The following IGFL2 variants were observed in gnomAD, a reference collection of about 807,000 sequenced individuals.
IGFL2 encodes the protein IGF like family member 2.
Under a neutral mutation model 13.9 loss-of-function variants are expected in IGFL2, and 7 were observed. The ratio of observed to expected loss-of-function variants is 0.51; its 90% CI spans 0.29 to 0.95. IGFL2 has a LOEUF of 0.95. IGFL2 is among the 40% of genes least tolerant of loss of function. IGFL2 has a pLI of 0.08. For missense variants in IGFL2, 138 were observed against 147.8 expected (o/e 0.93, Z 0.34); for synonymous variants, 55 against 55.8 (o/e 0.99, Z 0.07).
the IGFL2 span, among the ~76,000 whole-genome samples, chr19:46,176,982 A>C: frequency 2.8e-4 from 43 of 152,198 alleles, no homozygotes; most frequent in African/African-American, 9.2e-4. Context: ...GCATTACCCT[A>C]CCCACTGCCC....
At chr19:46,194,830 T>TTTTATATATA in the IGFL2 span, among the ~76,000 whole-genome samples, 1 of 46,780 alleles carries the variant, frequency 2.1e-5, no homozygotes, top group South Asian at 9.2e-4. Context: ...CTTCCTCATT[T>TTTTATATATA]TATATATATA....
At chr19:46,129,307 T>TTGTGTGTGTG in the IGFL2 span, among the ~76,000 whole-genome samples, 52 of 136,948 alleles carry the variant, frequency 3.8e-4, no homozygotes, top group Admixed American at 1.8e-3. Flanking sequence ...TGTTGATCTT[T>TTGTGTGTGTG]TGTGTGTGTG....
chr19:46,194,886 T>C, the IGFL2 span, among the ~76,000 whole-genome samples: 1 of 131,950 alleles, frequency 7.6e-6, no homozygotes, highest in Non-Finnish European at 1.6e-5. Context: ...TTTTTGGTAG[T>C]GTTTTTTGTT....
At chr19:46,137,367 G>A in the IGFL2 span, 1 of 1,118,402 alleles carries the variant, frequency 8.9e-7, no homozygotes, top group South Asian at 1.2e-5. Flanking sequence ...TTACAGACCT[G>A]TAGTGTAGAC....
the IGFL2 span, chr19:46,120,484 A>G: frequency 2.2e-6 from 3 of 1,352,758 alleles, no homozygotes; most frequent in Non-Finnish European, 3.0e-6. Context: ...ATGTGTAGAT[A>G]TCAACAGAAG....
chr19:46,122,628 T>A, the IGFL2 span, among the ~76,000 whole-genome samples: 5 of 151,188 alleles, frequency 3.3e-5, no homozygotes, highest in African/African-American at 9.8e-5. Context: ...TTGCTGTTAT[T>A]CTGAATATAA....
chr19:46,090,965 ATC>A, the IGFL2 span, among the ~76,000 whole-genome samples: 1 of 152,166 alleles, frequency 6.6e-6, no homozygotes, highest in African/African-American at 2.4e-5. Context: ...GACAGTATGT[ATC>A]TCTCTCTGTG....
the IGFL2 span, among the ~76,000 whole-genome samples, chr19:46,108,883 A>T: frequency 6.6e-6 from 1 of 152,190 alleles, no homozygotes; most frequent in African/African-American, 2.4e-5. Context: ...GAAGGGAGAG[A>T]TTGAAGGGTG....
At chr19:46,123,871 G>T in the IGFL2 span, 4 of 1,600,054 alleles carry the variant, frequency 2.5e-6, no homozygotes, top group Non-Finnish European at 2.6e-6. Context: ...TTAAGAGCAA[G>T]GTAGGGACCT....
At chr19:46,189,059 C>A in the IGFL2 span, 3 of 155,476 alleles carry the variant, frequency 1.9e-5, no homozygotes, top group South Asian at 1.8e-4. Flanking sequence ...CCCGGGGAAC[C>A]ACTACCACCA....
At chr19:46,182,663 C>T in the IGFL2 span, among the ~76,000 whole-genome samples, 1 of 152,152 alleles carries the variant, frequency 6.6e-6, no homozygotes, top group Admixed American at 6.5e-5. Flanking sequence ...CTTTCTTTCT[C>T]GATGCACGTG....
At chr19:46,129,662 G>C in the IGFL2 span, among the ~76,000 whole-genome samples, 1 of 152,070 alleles carries the variant, frequency 6.6e-6, no homozygotes, top group Non-Finnish European at 1.5e-5. Flanking sequence ...CCATGTAATT[G>C]TATGGTTTTG....
the IGFL2 span, chr19:46,204,216 T>A: frequency 6.6e-6 from 1 of 152,176 alleles, no homozygotes; most frequent in Middle Eastern, 3.4e-3. Flanking sequence ...GAAGCTCAGG[T>A]CTCCCACCAG....
At chr19:46,179,165 G>A in the IGFL2 span, among the ~76,000 whole-genome samples, 1 of 150,776 alleles carries the variant, frequency 6.6e-6, no homozygotes, top group African/African-American at 2.4e-5. Flanking sequence ...AACTAGTTGT[G>A]GGGTGCAGAG....
chr19:46,144,291 C>T (rs532297795), upstream of IGFL2, among the ~76,000 whole-genome samples: 127 of 152,202 alleles, frequency 8.3e-4, 2 homozygotes, highest in Middle Eastern at 0.017. Context: ...TGAAATGTTA[C>T]TCCTCTTTTG....
At chr19:46,172,735 T>C in the IGFL2 span, among the ~76,000 whole-genome samples, 1 of 152,190 alleles carries the variant, frequency 6.6e-6, no homozygotes, top group Non-Finnish European at 1.5e-5. Flanking sequence ...ATATTTTTTT[T>C]CAGACAAGGT....
chr19:46,133,835 T>G, the IGFL2 span, among the ~76,000 whole-genome samples: 1 of 152,178 alleles, frequency 6.6e-6, no homozygotes, highest in African/African-American at 2.4e-5. Context: ...ATTACTGGTC[T>G]TGGGTTCTTG....
At chr19:46,179,775 G>T in the IGFL2 span, among the ~76,000 whole-genome samples, 1 of 152,090 alleles carries the variant, frequency 6.6e-6, no homozygotes, top group Non-Finnish European at 1.5e-5. Context: ...AATTAGCCGG[G>T]AGTGTTGGTG....
the IGFL2 span, among the ~76,000 whole-genome samples, chr19:46,192,323 T>C: frequency 6.6e-5 from 10 of 152,320 alleles, no homozygotes; most frequent in South Asian, 8.3e-4. Flanking sequence ...TAAAGAGTTA[T>C]GAAGAATGCT....
Sources: allele counts gnomAD v4.1 joint callset (sites outside exome capture counted in the v4.1 genomes callset), GRCh38; gene constraint gnomAD v4.1.1; transcripts MANE v1.5; gene names NCBI Gene and HGNC (gene_info 2026-07-23, HGNC 2026-07-21).